The following NARS2 variants were observed in gnomAD, a reference collection of about 807,000 sequenced individuals.
NARS2 encodes the protein asparaginyl-tRNA synthetase 2, mitochondrial.
Under a neutral mutation model 62.9 loss-of-function variants are expected in NARS2, and 60 were observed. The ratio of observed to expected loss-of-function variants is 0.95; its 90% CI spans 0.77 to 1.18. The LOEUF (loss-of-function observed/expected upper bound fraction) is 1.18, where lower values mean the gene tolerates loss of function less well. Among genes scored for constraint, NARS2 ranks in the 50% most tolerant of loss-of-function variants. The pLI is 0.00. For missense variants in NARS2, 619 were observed against 576.4 expected, an observed-to-expected ratio of 1.07 and a Z score of -0.76; for synonymous variants, 196 against 200.0, an observed-to-expected ratio of 0.98 and a Z score of 0.17.
intron 11 of NARS2, among the ~76,000 whole-genome samples, chr11:78,463,795 G>GAC (rs981851784): frequency 3.4e-5 from 5 of 148,552 alleles, no homozygotes; most frequent in Non-Finnish European, 7.4e-5. Flanking sequence ...ACAGAGAAGA[G>GAC]ACGGTCAGAC....
intron 6 of NARS2, among the ~76,000 whole-genome samples, chr11:78,493,854 A>G (rs1049241274): frequency 8.5e-5 from 13 of 152,212 alleles, no homozygotes; most frequent in African/African-American, 2.4e-4. Context: ...AATCAAGAAC[A>G]AAGTAAAGAA....
intron 4 of NARS2, among the ~76,000 whole-genome samples, chr11:78,562,796 C>G (rs1166507001): frequency 5.3e-5 from 8 of 152,136 alleles, no homozygotes; most frequent in Admixed American, 2.0e-4. Context: ...ATACTCAAAC[C>G]AAGAAATAAC....
chr11:78,549,991 T>G (rs901639988), intron 5 of NARS2, among the ~76,000 whole-genome samples: 2 of 152,006 alleles, frequency 1.3e-5, no homozygotes, highest in African/African-American at 4.8e-5. Flanking sequence ...AGAAGAGAAA[T>G]AAATGGTCAA....
intron 6 of NARS2, among the ~76,000 whole-genome samples, chr11:78,519,446 A>T (rs950861144): frequency 3.9e-5 from 6 of 152,220 alleles, no homozygotes. Context: ...GAAAATAAAA[A>T]TTAGCAGAAA....
chr11:78,559,230 G>C (rs12419418), intron 5 of NARS2, among the ~76,000 whole-genome samples: 3 of 148,130 alleles, frequency 2.0e-5, no homozygotes, highest in African/African-American at 7.5e-5. Context: ...TTGAACCCTA[G>C]AGGCGGAGGT....
At chr11:78,491,687 T>C (rs999580006) in intron 7 of NARS2, among the ~76,000 whole-genome samples, 7 of 152,184 alleles carry the variant, frequency 4.6e-5, no homozygotes, top group Non-Finnish European at 1.0e-4. Context: ...GGATCACAGT[T>C]CACACTTCCC....
chr11:78,478,214 A>G (rs1371381250), intron 9 of NARS2, among the ~76,000 whole-genome samples: 1 of 152,056 alleles, frequency 6.6e-6, no homozygotes, highest in Non-Finnish European at 1.5e-5. Flanking sequence ...TTGATGAAAC[A>G]CTGATTATCA....
In NARS2 at chr11:78,567,498, T is replaced by C. The variant is rs115215641; in HGVS notation, c.372+1134A>G. Among the ~76,000 whole-genome samples, 977 of 152,236 alleles carry C rather than the reference T, an allele frequency of 6.4e-3. 6 individuals carry two copies. Among genetic ancestry groups the C allele is most frequent in the African/African-American group, 0.022 (929 of 41,536 alleles). On this transcript the variant is annotated intron_variant, in intron 3 of 13. Transcript: ENST00000281038. ...GTGAAAAGCAAAACCACAGACAAGG[T>C]TGAACTACTACAGTGAAACACACGG...
At chr11:78,504,147 A>T (rs1232987993) in intron 6 of NARS2, among the ~76,000 whole-genome samples, 1 of 152,238 alleles carries the variant, frequency 6.6e-6, no homozygotes, top group Non-Finnish European at 1.5e-5. Context: ...CCTAAAATTC[A>T]AATTTTTCCA....
At chr11:78,503,180 T>C (rs1435716492) in intron 6 of NARS2, among the ~76,000 whole-genome samples, 1 of 151,818 alleles carries the variant, frequency 6.6e-6, no homozygotes, top group African/African-American at 2.4e-5. Context: ...ACATAAGCAG[T>C]CCAAATCCAG....
Position 78,461,602 on chromosome 11 carries a change from T to TAAA in NARS2, c.1164+4271_1164+4273dup, listed in dbSNP as rs59664343. ...GAATGAGTGGGAGATGCTGTGCTGG[T>TAAA]AAAAAAAAAAAAAAAAAAAAAAAAA... On this transcript the variant is annotated intron_variant, in intron 11 of 13. Coordinates refer to ENST00000281038, the MANE Select transcript of NARS2 (RefSeq NM_024678.6). Among the ~76,000 whole-genome samples, 29 of 64,074 alleles carry TAAA rather than the reference T, an allele frequency of 4.5e-4. 1 individual carries two copies. The highest frequency in any genetic ancestry group is 9.7e-4 in the African/African-American group (16 of 16,416). 42.0% of individuals were successfully genotyped at this position (64,074 alleles called of 152,430 possible).
At chr11:78,444,036 T>A (rs573545599) in intron 11 of NARS2, 2 of 212,240 alleles carry the variant, frequency 9.4e-6, no homozygotes, top group Admixed American at 5.3e-5. Context: ...AAATCACCTA[T>A]CAGTACCAGA....
chr11:78,562,356 G>A (rs944667434), intron 4 of NARS2, among the ~76,000 whole-genome samples: 4 of 152,140 alleles, frequency 2.6e-5, no homozygotes, highest in African/African-American at 9.7e-5. Context: ...ATTGGGCCTG[G>A]GGGATTAAGG....
chr11:78,523,054 T>A (rs142688449), intron 6 of NARS2, among the ~76,000 whole-genome samples: 54 of 152,308 alleles, frequency 3.5e-4, no homozygotes, highest in African/African-American at 1.2e-3. Flanking sequence ...AGGACTTGTA[T>A]GCAGAATATA....
At position 78,441,235 on chromosome 11, in the gene NARS2, T is replaced by A; in HGVS notation, c.1263-118A>T. The A allele has an allele frequency of 3.5e-6, 3 of 860,476 alleles. No individual in the cohort carries two copies. The South Asian group carries it at 5.3e-5, about 15-fold the overall frequency. 53.3% of individuals were successfully genotyped at this position (860,476 alleles called of 1,614,324 possible). A position where few individuals can be genotyped will look rare whatever the true frequency, so the allele number is the denominator to read the frequency against. ...TTATGAAGAAGTAGACGACAAAGCC[T>A]CTGCTCTCAAGTAATACTCAATATA... On this transcript the variant is annotated intron_variant, in intron 12 of 13. Coordinates refer to ENST00000281038, the MANE Select transcript of NARS2 (RefSeq NM_024678.6).
intron 6 of NARS2, among the ~76,000 whole-genome samples, chr11:78,506,022 T>C (rs1014539847): frequency 1.3e-5 from 2 of 151,718 alleles, no homozygotes; most frequent in African/African-American, 4.8e-5. Flanking sequence ...ACAAACAACC[T>C]AGTAAAAATT....
intron 11 of NARS2, among the ~76,000 whole-genome samples, chr11:78,456,228 C>T (rs1222524890): frequency 6.6e-6 from 1 of 152,154 alleles, no homozygotes; most frequent in Non-Finnish European, 1.5e-5. Context: ...AATTAAGACA[C>T]ACTGGGAAGA....
intron 6 of NARS2, among the ~76,000 whole-genome samples, chr11:78,516,633 G>A (rs928012818): frequency 1.7e-4 from 26 of 152,268 alleles, no homozygotes; most frequent in African/African-American, 6.3e-4. Context: ...AAATTGAACT[G>A]AGACTGATTT....
chr11:78,514,794 C>G (rs1159618522), intron 6 of NARS2, among the ~76,000 whole-genome samples: 1 of 152,144 alleles, frequency 6.6e-6, no homozygotes, highest in African/African-American at 2.4e-5. Flanking sequence ...CAAGCAGACA[C>G]TGCAGAGTTA....
Sources: gnomAD v4.1 joint callset for allele counts (sites outside exome capture counted in the v4.1 genomes callset) on GRCh38, gnomAD v4.1.1 for gene constraint, MANE v1.5 for transcripts, NCBI Gene and HGNC (gene_info 2026-07-23, HGNC 2026-07-21) for gene names.